Variants in CDH15 observed in about 807,000 individuals in gnomAD.
The protein encoded by CDH15 is cadherin-15.
CDH15 carries 73 observed loss-of-function variants against 69.4 expected under a neutral mutation model. The ratio of observed to expected loss-of-function variants is 1.05; its 90% CI spans 0.87 to 1.28. CDH15 has a LOEUF of 1.28. Among genes scored for constraint, CDH15 ranks in the 50% most tolerant of loss-of-function variants. CDH15 has a pLI of 0.00. For missense variants in CDH15, 1,343 were observed against 1,133.6 expected, an observed-to-expected ratio of 1.18 and a Z score of -2.65; for synonymous variants, 624 against 507.7, an observed-to-expected ratio of 1.23 and a Z score of -3.08.
Position 89,190,421 on chromosome 16 carries a change from AGG to A in CDH15, c.1161_1162del (p.Ala388ThrfsTer15). On this transcript the variant is annotated frameshift_variant, in exon 8 of 14. Transcript: ENST00000289746. LOFTEE classifies it high-confidence loss of function. ...AACCCACTTCGGACCAGCCTAGCAGAGGGGGCACCCCCAGGCACTCTGGTGGC... is the reference window on the plus strand; with the variant it reads ...AACCCACTTCGGACCAGCCTAGCAGAGGGCACCCCCAGGCACTCTGGTGGC... 6.2e-7 allele frequency: 1 copy of A among 1,611,490 alleles called. No individual in the cohort carries two copies. The highest frequency in any genetic ancestry group is 8.5e-7 in the Non-Finnish European group (1 of 1,179,490).
In CDH15 at chr16:89,182,176, C is replaced by A. The variant is rs1482729742; in HGVS notation, c.358-1372C>A. Among the ~76,000 whole-genome samples, 178 of 19,058 alleles carry A rather than the reference C, an allele frequency of 9.3e-3. 5 individuals carry two copies. Among genetic ancestry groups the A allele is most frequent in the East Asian group, 0.085 (22 of 258 alleles). The allele number at this position is 19,058 out of a possible 152,430, so 12.5% of individuals were successfully genotyped here. ...AGCCTGCCCTCCCCCAGCCTCCCCT[C>A]CCCCAGCCTGCCCTCCCCCAGCCTG... On this transcript the variant is annotated intron_variant, in intron 3 of 13. Transcript: ENST00000289746.
chr16:89,178,680 C>T (rs965163981), intron 1 of CDH15, among the ~76,000 whole-genome samples: 2 of 152,204 alleles, frequency 1.3e-5, no homozygotes, highest in African/African-American at 2.4e-5. Context: ...AGCTGCAGGC[C>T]GGTTCAGCCA....
chr16:89,174,481 C>G (rs113394397), intron 1 of CDH15, among the ~76,000 whole-genome samples: 1 of 152,202 alleles, frequency 6.6e-6, no homozygotes, highest in African/African-American at 2.4e-5. Flanking sequence ...CAGTGGTGTT[C>G]GTAAACCCCA....
chr16:89,194,878 A>AT lies in CDH15; in HGVS notation c.2169dup (p.Ser724Ter). The AT allele has an allele frequency of 6.2e-7, 1 of 1,606,026 alleles. No homozygotes were observed. The highest frequency in any genetic ancestry group is 8.5e-7 in the Non-Finnish European group (1 of 1,176,354). On this transcript the variant is annotated frameshift_variant, in exon 14 of 14. Transcript: ENST00000289746. LOFTEE classifies it low-confidence loss of function (END_TRUNC). ...TCTTTATAGGGCTTGGAGGCTGCAG[A>AT]TAGTGACCCCAGTGTGCCGCCTTAC...
At position 89,179,419 on chromosome 16, in the gene CDH15, C is replaced by T. The variant is rs200901410; in HGVS notation, c.46C>T (p.Leu16Phe). ...LLVLGLLAQS[L>F]CLSLGVPGWR... is the part of the protein sequence containing the mutation. The stretch of plus-strand genomic sequence containing the variant: ...GACGCATCTGTCTTTGTTGCAGAGC[C>T]TCTGCCTGTCTTTGGGGGTTCCTGG... Residue 16 changes from leucine to phenylalanine, a missense_variant, in exon 2 of 14, where the codon CTC (leucine) becomes TTC (phenylalanine). Transcript: ENST00000289746. The T allele has an allele frequency of 2.5e-6, 4 of 1,613,638 alleles. No individual in the cohort carries two copies. The highest frequency in any genetic ancestry group is 1.7e-4 in the Middle Eastern group (1 of 6,058).
Position 89,192,394 on chromosome 16 carries a change from T to G in CDH15, c.1805T>G (p.Leu602Arg). The change falls in exon 11 of 14, where the codon CTC becomes CGC. Residue 602 changes from leucine to arginine, a missense_variant. Leu to Arg is a moderately radical substitution (Grantham distance 102). Coordinates refer to ENST00000289746, the MANE Select transcript of CDH15 (RefSeq NM_004933.3). ...GCGCTGCTGGCGGGGGGCACAGGCC[T>G]CAGCCTGGGCGCACTGGTCATCGTG... The part of the protein sequence containing the change: ...AAALLAGGTG[L>R]SLGALVIVLA... 1.3e-6 allele frequency: 2 copies of G among 1,539,142 alleles called. No homozygotes were observed. The highest frequency in any genetic ancestry group is 1.7e-6 in the Non-Finnish European group (2 of 1,149,206).
intron 4 of CDH15, 45 bp from the exon 5 acceptor site, chr16:89,185,128 T>G (rs745870193): frequency 1.3e-6 from 2 of 1,544,480 alleles, no homozygotes; most frequent in East Asian, 4.8e-5. Context: ...CCCCAGCCCA[T>G]CGGCCCTGTG....
At chr16:89,181,454 A>G (rs532327904) in intron 3 of CDH15, among the ~76,000 whole-genome samples, 52 of 152,192 alleles carry the variant, frequency 3.4e-4, no homozygotes, top group African/African-American at 1.2e-3. Context: ...TCAACAAAAG[A>G]TAAAATGGTA....
intron 5 of CDH15, among the ~76,000 whole-genome samples, chr16:89,187,080 C>T (rs1451001354): frequency 6.6e-6 from 1 of 151,296 alleles, no homozygotes; most frequent in Non-Finnish European, 1.5e-5. Flanking sequence ...ACAAGGTGCT[C>T]TGTAAACACT....
chr16:89,191,783 C>T lies in CDH15; in HGVS notation c.1504C>T (p.Leu502Phe), dbSNP rs551198448. Residue 502 changes from leucine to phenylalanine, a missense_variant, in exon 10 of 14, where the codon CTC (leucine) becomes TTC (phenylalanine). Coordinates refer to ENST00000289746, the MANE Select transcript of CDH15 (RefSeq NM_004933.3). Reference protein sequence around the residue: ...CSEPHQGPGLLLGATDEDLPP... With the variant: ...CSEPHQGPGLFLGATDEDLPP... ...CGAGCCACACCAAGGCCCAGGCCTC[C>T]TCCTGGGCGCCACGGATGAGGACCT... 3.1e-6 allele frequency: 5 copies of T among 1,606,388 alleles called. No homozygotes were observed. Among genetic ancestry groups the T allele is most frequent in the African/African-American group, 2.7e-5 (2 of 75,018 alleles).
intron 7 of CDH15, 75 bp from the exon 8 acceptor site, chr16:89,190,168 G>A (rs1915603597): frequency 1.3e-6 from 2 of 1,566,576 alleles, no homozygotes; most frequent in South Asian, 1.2e-5. Context: ...CCAAGGAGTG[G>A]CTCCCCCATG....
rs1915768899 is a variant in CDH15 at position 89,195,004 on chromosome 16, A to C, written c.2294A>C (p.Tyr765Ser). 2 of 1,612,060 alleles carry C rather than the reference A, an allele frequency of 1.2e-6. No homozygotes were observed. Among genetic ancestry groups the C allele is most frequent in the African/African-American group, 2.7e-5 (2 of 74,986 alleles). ...GGCGATGAGGACCAGGACTACGACT[A>C]CCTCAGAGACTGGGGGCCCCGCTTC... ...SQGDEDQDYDYLRDWGPRFAR... is the reference protein window; with the variant it reads ...SQGDEDQDYDSLRDWGPRFAR... Residue 765 changes from tyrosine to serine, a missense_variant, in exon 14 of 14, where the codon TAC (tyrosine) becomes TCC (serine). By Grantham distance (144) the Tyr-to-Ser change is moderately radical. Transcript: ENST00000289746.
In CDH15 at chr16:89,185,513, G is replaced by T. The variant is rs1407302303; in HGVS notation, c.663+180G>T. 3 of 764,758 alleles carry T rather than the reference G, an allele frequency of 3.9e-6. No individual in the cohort carries two copies. In the Admixed American group the frequency reaches 6.2e-5, roughly 16 times the overall value. The allele number at this position is 764,758 out of a possible 1,614,324, so 47.4% of individuals were successfully genotyped here. ...GGTGAACCCACTGATGCGCAGACAG[G>T]AGCCGCGCTGGCCCGGGTGGGAGGG... On this transcript the variant is annotated intron_variant, in intron 5 of 13. Transcript: ENST00000289746.
At chr16:89,173,422 T>C (rs1915197374) in intron 1 of CDH15, among the ~76,000 whole-genome samples, 1 of 152,114 alleles carries the variant, frequency 6.6e-6, no homozygotes, top group South Asian at 2.1e-4. Context: ...CTCTCCCTCC[T>C]CAGAAGCCTT....
Position 89,192,266 on chromosome 16 carries a change from G to T in CDH15, c.1677G>T (p.Leu559=). The change falls in exon 11 of 14, where the codon CTG becomes CTT. Residue 559 remains leucine (L), a synonymous_variant. Coordinates refer to ENST00000289746, the MANE Select transcript of CDH15 (RefSeq NM_004933.3). Reference sequence around the variant, plus strand: ...CCGAAGGCCTGCACCGCCTCAGCCTGCTGCTCCGGGACTCGGGGCAGCCGC... The same window carrying T: ...CCGAAGGCCTGCACCGCCTCAGCCTTCTGCTCCGGGACTCGGGGCAGCCGC... ...QVPEGLHRLS[L]LLRDSGQPPQ... The T allele has an allele frequency of 6.5e-7, 1 of 1,530,860 alleles. No homozygotes were observed. The highest frequency in any genetic ancestry group is 2.5e-5 in the East Asian group (1 of 40,650). The allele number at this position is 1,530,860 out of a possible 1,614,324, so 94.8% of individuals were successfully genotyped here. A position where few individuals can be genotyped will look rare whatever the true frequency, so the allele number is the denominator to read the frequency against.
chr16:89,195,063 G>T lies in CDH15; in HGVS notation c.2353G>T (p.Gly785Trp), dbSNP rs149307887. Residue 785 changes from glycine (G) to tryptophan (W), a missense_variant, in exon 14 of 14, where the codon GGG becomes TGG. Physicochemically the swap from Gly to Trp is radical, Grantham distance 184. Transcript: ENST00000289746. ...RLADMYGHPCGLEYGARWDHQ... is the reference protein window; with the variant it reads ...RLADMYGHPCWLEYGARWDHQ... Reference sequence around the variant, plus strand: ...GGCAGACATGTATGGGCACCCGTGCGGGTTGGAGTACGGGGCCAGATGGGA... The same window carrying T: ...GGCAGACATGTATGGGCACCCGTGCTGGTTGGAGTACGGGGCCAGATGGGA... 5 of 1,612,506 alleles carry T rather than the reference G, an allele frequency of 3.1e-6. No homozygotes were observed. The highest frequency in any genetic ancestry group is 1.3e-5 in the African/African-American group (1 of 75,040).
intron 1 of CDH15, among the ~76,000 whole-genome samples, chr16:89,172,329 C>T (rs964178467): frequency 1.3e-5 from 2 of 152,100 alleles, no homozygotes; most frequent in Admixed American, 6.5e-5. Context: ...TTTGTCCAAA[C>T]CCCCCACCCC....
chr16:89,189,282 G>GGCACACACAGATGCCCACACACGATGCCA (rs1915583062), intron 7 of CDH15, among the ~76,000 whole-genome samples: 1 of 115,880 alleles, frequency 8.6e-6, no homozygotes, highest in Non-Finnish European at 1.8e-5. Flanking sequence ...CACAGATGCC[G>GGCACACACAGATGCCCACACACGATGCCA]GCACACACAG....
intron 5 of CDH15, 45 bp from the exon 6 acceptor site, chr16:89,187,384 C>G (rs1290261947): frequency 1.2e-6 from 2 of 1,608,612 alleles, no homozygotes; most frequent in African/African-American, 2.7e-5. Context: ...CCCCATGTGC[C>G]CCACCTGGGC....
Sources: gnomAD v4.1 joint callset for allele counts (sites outside exome capture counted in the v4.1 genomes callset) on GRCh38, gnomAD v4.1.1 for gene constraint, MANE v1.5 for transcripts, NCBI Gene and HGNC (gene_info 2026-07-23, HGNC 2026-07-21) for gene names.